PLAAT3: variants seen among roughly 807,000 people sequenced by gnomAD.
PLAAT3 encodes the protein phospholipase A and acyltransferase 3, also known as Ca-independent phospholipase A1/2.
A neutral mutation model predicts 16.7 loss-of-function variants in PLAAT3; 21 were observed. The ratio of observed to expected loss-of-function variants is 1.26; its 90% CI spans 0.89 to 1.81. The LOEUF (loss-of-function observed/expected upper bound fraction) is 1.81, where lower values mean the gene tolerates loss of function less well. Ranked by LOEUF, PLAAT3 falls within the 40% of genes most tolerant of loss-of-function variation. PLAAT3 has a pLI of 0.00. For synonymous variants in PLAAT3, 76 were observed against 81.7 expected, an observed-to-expected ratio of 0.93 and a Z score of 0.38; for missense variants, 219 against 213.7, an observed-to-expected ratio of 1.02 and a Z score of -0.16.
intron 4 of PLAAT3, among the ~76,000 whole-genome samples, chr11:63,580,966 A>G (rs773696978): frequency 1.3e-5 from 2 of 152,192 alleles, no homozygotes; most frequent in Non-Finnish European, 2.9e-5. Context: ...AACTTCTTAC[A>G]CCTGTCTTTA....
chr11:63,575,150 G>A (rs2017642662), intron 4 of PLAAT3, 104 bp from the exon 5 acceptor site: 1 of 706,274 alleles, frequency 1.4e-6, no homozygotes, highest in Non-Finnish European at 2.4e-6. Context: ...ATGCCCCTTG[G>A]CCTCCCTGGC....
upstream of PLAAT3, among the ~76,000 whole-genome samples, chr11:63,615,428 G>GTATA (rs1298104086): frequency 1.2e-5 from 1 of 81,414 alleles, no homozygotes; most frequent in African/African-American, 2.9e-5. Flanking sequence ...GTGTGTGTGT[G>GTATA]TGTATATACA....
intron 4 of PLAAT3, 108 bp from the exon 5 acceptor site, chr11:63,575,154 C>T: frequency 1.4e-6 from 1 of 693,874 alleles, no homozygotes; most frequent in South Asian, 1.7e-5. Flanking sequence ...CCCTTGGCCT[C>T]CCTGGCCAAA....
At chr11:63,607,747 G>A (rs1163122414) in intron 2 of PLAAT3, among the ~76,000 whole-genome samples, 1 of 151,794 alleles carries the variant, frequency 6.6e-6, no homozygotes, top group African/African-American at 2.4e-5. Context: ...ACGGAGAGAG[G>A]CAAGCAGGAG....
intron 2 of PLAAT3, among the ~76,000 whole-genome samples, chr11:63,609,936 A>G (rs1938652922): frequency 6.6e-6 from 1 of 151,972 alleles, no homozygotes. Context: ...CACCACTACC[A>G]CCAAGCACTA....
At chr11:63,602,852 G>T (rs1172111909) in intron 2 of PLAAT3, among the ~76,000 whole-genome samples, 2 of 152,160 alleles carry the variant, frequency 1.3e-5, no homozygotes, top group Non-Finnish European at 2.9e-5. Context: ...CAGAACTTTG[G>T]GAGGCCAAGG....
intron 4 of PLAAT3, among the ~76,000 whole-genome samples, chr11:63,581,859 C>T (rs1028113220): frequency 2.0e-5 from 3 of 152,138 alleles, no homozygotes; most frequent in African/African-American, 7.2e-5. Flanking sequence ...AGAAAAGAAC[C>T]TATGTTGAAA....
At chr11:63,616,901 T>C (rs1309082787), upstream of PLAAT3, 1 of 149,140 alleles carries the variant, frequency 6.7e-6, no homozygotes, top group Non-Finnish European at 1.5e-5. Context: ...GAGAATGGCG[T>C]GAACCCCGGG....
At chr11:63,599,536 A>T (rs1215321591) in intron 2 of PLAAT3, among the ~76,000 whole-genome samples, 1 of 152,218 alleles carries the variant, frequency 6.6e-6, no homozygotes, top group Non-Finnish European at 1.5e-5. Context: ...ATTTCACAGA[A>T]ACATTAAAAC....
upstream of PLAAT3, chr11:63,616,399 A>G (rs1337452411): frequency 6.6e-6 from 1 of 152,048 alleles, no homozygotes; most frequent in Non-Finnish European, 1.5e-5. Flanking sequence ...CTCCAGGAAA[A>G]TAACTGTTAT....
At chr11:63,607,038 C>T (rs1938585716) in intron 2 of PLAAT3, among the ~76,000 whole-genome samples, 1 of 152,106 alleles carries the variant, frequency 6.6e-6, no homozygotes, top group African/African-American at 2.4e-5. Context: ...GGGATCTGGG[C>T]ATGAGTAGTA....
chr11:63,613,425 A>T (rs900916518), intron 2 of PLAAT3, among the ~76,000 whole-genome samples: 1 of 23,788 alleles, frequency 4.2e-5, no homozygotes, highest in Non-Finnish European at 3.6e-4. Context: ...AATAAAAATA[A>T]AAATAAAAAT....
At chr11:63,616,308 A>G (rs1053926941), upstream of PLAAT3, 1 of 150,664 alleles carries the variant, frequency 6.6e-6, no homozygotes, top group Non-Finnish European at 1.5e-5. Flanking sequence ...CGTGGGTTCC[A>G]TTTTTTTAGA....
intron 4 of PLAAT3, among the ~76,000 whole-genome samples, chr11:63,588,544 T>C (rs1310277502): frequency 3.9e-5 from 6 of 152,178 alleles, no homozygotes; most frequent in Non-Finnish European, 7.3e-5. Flanking sequence ...CTCATGGCCC[T>C]GCCCACTGAT....
intron 3 of PLAAT3, among the ~76,000 whole-genome samples, chr11:63,593,691 G>A (rs1001311849): frequency 2.2e-5 from 3 of 139,410 alleles, no homozygotes; most frequent in South Asian, 4.8e-4. Context: ...CCTCCTGCTC[G>A]TGCCTCAGCC....
At position 63,577,691 on chromosome 11, in the gene PLAAT3, A is replaced by C. The variant is rs181727904; in HGVS notation, c.388-2645T>G. Among the ~76,000 whole-genome samples the C allele has an allele frequency of 2.6e-5, 4 of 152,376 alleles. No individual in the cohort carries two copies. In the East Asian group the frequency reaches 7.7e-4, roughly 29 times the overall value. On this transcript the variant is annotated intron_variant, in intron 4 of 4. Coordinates refer to ENST00000415826, the MANE Select transcript of PLAAT3 (RefSeq NM_001128203.2). ...GAGAATAAGACAGCATATTGCATCC[A>C]AAAGGAAACGTCCTTTTAAAAACTA...
chr11:63,599,257 C>T (rs909344842), intron 2 of PLAAT3, among the ~76,000 whole-genome samples: 8 of 152,202 alleles, frequency 5.3e-5, no homozygotes, highest in African/African-American at 1.7e-4. Context: ...GAGTCTTCAG[C>T]CACAGTCAGG....
chr11:63,600,583 G>GT (rs1555045453), intron 2 of PLAAT3, among the ~76,000 whole-genome samples: 1 of 132,624 alleles, frequency 7.5e-6, no homozygotes, highest in Admixed American at 8.0e-5. Flanking sequence ...TGGTTTTTTT[G>GT]TTTTTTTTGT....
At chr11:63,600,183 C>T (rs1938389171) in intron 2 of PLAAT3, among the ~76,000 whole-genome samples, 1 of 152,104 alleles carries the variant, frequency 6.6e-6, no homozygotes. Context: ...AGGGTTTTGC[C>T]TTGTTGCCCA....
Sources: gnomAD v4.1 joint callset for allele counts (sites outside exome capture counted in the v4.1 genomes callset) on GRCh38, gnomAD v4.1.1 for gene constraint, MANE v1.5 for transcripts, NCBI Gene and HGNC (gene_info 2026-07-23, HGNC 2026-07-21) for gene names.